The following RAD51B variants were observed in gnomAD, a reference collection of about 807,000 sequenced individuals.
RAD51B encodes RAD51 paralog B.
A neutral mutation model predicts 42.2 loss-of-function variants in RAD51B; 38 were observed. The observed-to-expected ratio is 0.90, with a 90% confidence interval of 0.70 to 1.18. RAD51B has a LOEUF of 1.18. Ranked by LOEUF, RAD51B falls within the 50% of genes most tolerant of loss-of-function variation. The probability of loss-of-function intolerance (pLI) is 0.00; values close to 1 mark genes in which losing one functional copy is unlikely to be tolerated. For synonymous variants in RAD51B, 154 were observed against 145.2 expected, an observed-to-expected ratio of 1.06 and a Z score of -0.43; for missense variants, 373 against 400.7, an observed-to-expected ratio of 0.93 and a Z score of 0.59.
intron 8 of RAD51B, among the ~76,000 whole-genome samples, chr14:68,341,394 G>A (rs1261369313): frequency 4.6e-5 from 7 of 152,112 alleles, no homozygotes; most frequent in African/African-American, 1.7e-4. Context: ...AAAGTTTTGT[G>A]GAAGTCTGAA....
intron 10 of RAD51B, among the ~76,000 whole-genome samples, chr14:68,566,875 A>G (rs1889447047): frequency 6.6e-6 from 1 of 152,024 alleles, no homozygotes; most frequent in African/African-American, 2.4e-5. Flanking sequence ...TTACTCTTCA[A>G]TGCATTCTCT....
intron 7 of RAD51B, among the ~76,000 whole-genome samples, chr14:68,112,223 C>G (rs1427139356): frequency 2.0e-5 from 3 of 152,052 alleles, no homozygotes. Flanking sequence ...GAGATTTAGT[C>G]TCTGGAGTCT....
intron 7 of RAD51B, among the ~76,000 whole-genome samples, chr14:68,135,247 A>C (rs76200082): frequency 0.011 from 1,674 of 152,332 alleles, 40 homozygotes; most frequent in African/African-American, 0.039. Flanking sequence ...AGTTTCAGCA[A>C]GATTTAATAA....
chr14:67,896,712 A>G (rs1219810425), intron 7 of RAD51B, among the ~76,000 whole-genome samples: 3 of 152,182 alleles, frequency 2.0e-5, no homozygotes, highest in Non-Finnish European at 2.9e-5. Context: ...GAGTTTTTCA[A>G]AGACAAAATT....
At chr14:68,322,873 T>C (rs2082181277) in intron 8 of RAD51B, among the ~76,000 whole-genome samples, 1 of 152,188 alleles carries the variant, frequency 6.6e-6, no homozygotes, top group African/African-American at 2.4e-5. Flanking sequence ...GCTTAAGGCA[T>C]TGGCTTTGTG....
At chr14:67,875,437 T>G (rs1269326553) in intron 5 of RAD51B, among the ~76,000 whole-genome samples, 1 of 152,160 alleles carries the variant, frequency 6.6e-6, no homozygotes, top group Non-Finnish European at 1.5e-5. Context: ...CATAACAACA[T>G]TTCAGTCGAG....
intron 9 of RAD51B, among the ~76,000 whole-genome samples, chr14:68,461,853 C>T (rs1294328649): frequency 6.6e-6 from 1 of 152,124 alleles, no homozygotes; most frequent in Non-Finnish European, 1.5e-5. Context: ...CCCATGGGCC[C>T]CAATGGCCAA....
At chr14:68,233,444 T>TTTAGGTCATACTATAAGG (rs2080186037) in intron 7 of RAD51B, among the ~76,000 whole-genome samples, 2 of 152,236 alleles carry the variant, frequency 1.3e-5, no homozygotes, top group Admixed American at 1.3e-4. Context: ...TGTTTGTATA[T>TTTAGGTCATACTATAAGG]TTAGGTCATA....
At chr14:68,558,762 A>C (rs1262373695) in intron 10 of RAD51B, among the ~76,000 whole-genome samples, 2 of 152,176 alleles carry the variant, frequency 1.3e-5, no homozygotes. Flanking sequence ...CTCCACCTAC[A>C]TCATAATTAC....
chr14:68,056,830 A>G (rs1281779272), intron 7 of RAD51B, among the ~76,000 whole-genome samples: 3 of 151,858 alleles, frequency 2.0e-5, no homozygotes, highest in Non-Finnish European at 2.9e-5. Context: ...TGTAATCCCA[A>G]CACTTTGGGA....
chr14:68,682,913 T>A, intron 11 of RAD51B: 1 of 332,574 alleles, frequency 3.0e-6, no homozygotes, highest in Non-Finnish European at 3.6e-6. Context: ...CTTATGGCTT[T>A]TTTTTTTTTT....
rs144804279 is a variant in RAD51B, at chr14:68,636,737, G to C, written c.1037-14044G>C. 4.4e-3 allele frequency among the ~76,000 whole-genome samples: 668 copies of C among 152,288 alleles called. 7 individuals are homozygous for C. The highest frequency in any genetic ancestry group is 0.015 in the African/African-American group (611 of 41,554). On this transcript the variant is annotated intron_variant, in intron 10 of 11. Coordinates refer to the RAD51B transcript ENST00000488612. ...CTTGAATGAGTTAATAATGTAACAGGTCTCCTGCTGAAGCAGACATGCCCA... is the reference window on the plus strand; with the variant it reads ...CTTGAATGAGTTAATAATGTAACAGCTCTCCTGCTGAAGCAGACATGCCCA...
chr14:68,363,524 G>T (rs961625482), intron 8 of RAD51B, among the ~76,000 whole-genome samples: 2 of 151,964 alleles, frequency 1.3e-5, no homozygotes, highest in African/African-American at 4.8e-5. Flanking sequence ...AGTGAAGGGG[G>T]CCTCCTCATT....
chr14:68,448,844 G>T (rs972042334), intron 9 of RAD51B, among the ~76,000 whole-genome samples: 40 of 151,840 alleles, frequency 2.6e-4, no homozygotes, highest in Non-Finnish European at 4.7e-4. Context: ...GGATGTTTTT[G>T]TTTGTTTATT....
intron 4 of RAD51B, among the ~76,000 whole-genome samples, chr14:67,841,107 C>T (rs1429360749): frequency 6.6e-6 from 1 of 152,174 alleles, no homozygotes; most frequent in African/African-American, 2.4e-5. Context: ...GCCATTTTGA[C>T]TTCTTAATAA....
intron 11 of RAD51B, among the ~76,000 whole-genome samples, chr14:68,679,730 T>C (rs1180789948): frequency 6.6e-6 from 1 of 152,262 alleles, no homozygotes; most frequent in African/African-American, 2.4e-5. Flanking sequence ...GGCTGCTGAC[T>C]GTAAAATCTG....
chr14:68,324,131 T>C (rs2082205767), intron 8 of RAD51B, among the ~76,000 whole-genome samples: 1 of 152,236 alleles, frequency 6.6e-6, no homozygotes, highest in Admixed American at 6.5e-5. Flanking sequence ...TATAAGTGCC[T>C]GGCATATTAA....
intron 7 of RAD51B, among the ~76,000 whole-genome samples, chr14:68,243,215 A>C (rs1258703975): frequency 6.6e-6 from 1 of 152,192 alleles, no homozygotes; most frequent in East Asian, 1.9e-4. Context: ...CACATATGAT[A>C]ATTAATGATA....
At chr14:68,233,722 C>T (rs1025157535) in intron 7 of RAD51B, among the ~76,000 whole-genome samples, 3 of 152,162 alleles carry the variant, frequency 2.0e-5, no homozygotes, top group Admixed American at 2.0e-4. Context: ...AATATATCAA[C>T]ATTTTCCAGT....
Sources: allele counts gnomAD v4.1 joint callset (sites outside exome capture counted in the v4.1 genomes callset), GRCh38; gene constraint gnomAD v4.1.1; transcripts MANE v1.5; gene names NCBI Gene and HGNC (gene_info 2026-07-23, HGNC 2026-07-21).